The following ITPR1 variants were observed in gnomAD, a reference collection of about 807,000 sequenced individuals.
ITPR1 encodes inositol 1,4,5-trisphosphate receptor type 1.
In ITPR1, 96 loss-of-function variants were observed where a neutral mutation model predicts 318.4. That is an observed-to-expected ratio of 0.30 (90% CI 0.26 to 0.36). The LOEUF (loss-of-function observed/expected upper bound fraction) is 0.36, where lower values mean the gene tolerates loss of function less well. Among genes scored for constraint, ITPR1 ranks in the 10% least tolerant of loss-of-function variants. ITPR1 has a pLI of 1.00. For synonymous variants in ITPR1, 1,312 were observed against 1,289.9 expected, an observed-to-expected ratio of 1.02 and a Z score of -0.37; for missense variants, 2,440 against 3,460.2, an observed-to-expected ratio of 0.71 and a Z score of 7.40.
At chr3:4,729,783 T>C (rs192856341) in intron 42 of ITPR1, among the ~76,000 whole-genome samples, 1 of 152,326 alleles carries the variant, frequency 6.6e-6, no homozygotes, top group East Asian at 1.9e-4. Flanking sequence ...GGTAATAATG[T>C]GTGGGAATTT....
At chr3:4,534,252 C>T (rs890211635) in intron 4 of ITPR1, among the ~76,000 whole-genome samples, 2 of 152,132 alleles carry the variant, frequency 1.3e-5, no homozygotes, top group Non-Finnish European at 2.9e-5. Flanking sequence ...ATTTTTCAAC[C>T]CGTACCACCC....
At chr3:4,629,595 G>A (rs767248022) in intron 5 of ITPR1, among the ~76,000 whole-genome samples, 1 of 152,166 alleles carries the variant, frequency 6.6e-6, no homozygotes, top group African/African-American at 2.4e-5. Context: ...GTAGGTGCTC[G>A]GAAATAATTA....
chr3:4,608,972 G>T (rs2091889508), intron 4 of ITPR1, among the ~76,000 whole-genome samples: 1 of 129,542 alleles, frequency 7.7e-6, no homozygotes, highest in African/African-American at 2.9e-5. Flanking sequence ...CTGCACTCCA[G>T]CCTGGATAAC....
At chr3:4,768,387 GT>G in intron 45 of ITPR1, 123 bp from the exon 46 acceptor site, 1 of 1,168,964 alleles carries the variant, frequency 8.6e-7, no homozygotes. Flanking sequence ...TTCTTTGAGT[GT>G]TTTGCCAACT....
chr3:4,702,746 A>T, intron 35 of ITPR1, 84 bp from the exon 36 acceptor site: 1 of 1,450,554 alleles, frequency 6.9e-7, no homozygotes, highest in Non-Finnish European at 9.5e-7. Context: ...GTGGTTCAAG[A>T]CAATGTCTCT....
intron 4 of ITPR1, among the ~76,000 whole-genome samples, chr3:4,563,364 C>T (rs1233166720): frequency 6.6e-6 from 1 of 152,106 alleles, no homozygotes; most frequent in Non-Finnish European, 1.5e-5. Flanking sequence ...AAAAAATTAG[C>T]TGGGCATGGT....
At chr3:4,753,207 G>A (rs555785897) in intron 44 of ITPR1, among the ~76,000 whole-genome samples, 167 of 152,242 alleles carry the variant, frequency 1.1e-3, no homozygotes, top group African/African-American at 3.7e-3. Context: ...GCAGAGCTGC[G>A]GAAAGTATCT....
intron 60 of ITPR1, among the ~76,000 whole-genome samples, chr3:4,828,399 G>A (rs2050219017): frequency 6.6e-6 from 1 of 152,238 alleles, no homozygotes; most frequent in Non-Finnish European, 1.5e-5. Flanking sequence ...CAGCTTGGAT[G>A]CTGATGTGGG....
intron 17 of ITPR1, among the ~76,000 whole-genome samples, chr3:4,667,117 A>T (rs998246216): frequency 1.1e-4 from 17 of 152,244 alleles, no homozygotes; most frequent in African/African-American, 4.1e-4. Context: ...TATACTGTGC[A>T]CTTAATAAAA....
At chr3:4,618,529 G>A (rs529042995) in intron 4 of ITPR1, among the ~76,000 whole-genome samples, 92 of 152,036 alleles carry the variant, frequency 6.1e-4, no homozygotes, top group Non-Finnish European at 9.3e-4. Context: ...AATATTGTTC[G>A]CTAATGAGCC....
At chr3:4,804,621 T>C (rs2048444483) in intron 54 of ITPR1, among the ~76,000 whole-genome samples, 1 of 152,134 alleles carries the variant, frequency 6.6e-6, no homozygotes, top group Admixed American at 6.5e-5. Flanking sequence ...TGGGGTGTGT[T>C]TGAGGTGCTG....
intron 4 of ITPR1, among the ~76,000 whole-genome samples, chr3:4,559,046 T>TG: frequency 6.6e-6 from 1 of 152,152 alleles, no homozygotes; most frequent in East Asian, 1.9e-4. Flanking sequence ...TATTTAGAGA[T>TG]GGGGTCTTGC....
At chr3:4,803,049 A>G (rs992496353) in intron 54 of ITPR1, among the ~76,000 whole-genome samples, 3 of 152,208 alleles carry the variant, frequency 2.0e-5, no homozygotes, top group Non-Finnish European at 4.4e-5. Flanking sequence ...GAAGCATGGC[A>G]GCATCTGCTT....
chr3:4,717,305 G>T, intron 39 of ITPR1, 62 bp from the exon 40 acceptor site: 1 of 1,358,364 alleles, frequency 7.4e-7, no homozygotes, highest in Middle Eastern at 1.8e-4. Context: ...TATAAACTTG[G>T]CTGGCTTGTA....
intron 36 of ITPR1, among the ~76,000 whole-genome samples, chr3:4,704,563 AG>A (rs1393774101): frequency 6.6e-6 from 1 of 152,222 alleles, no homozygotes; most frequent in Non-Finnish European, 1.5e-5. Context: ...GTTGGAAAAA[AG>A]AAAAAAAAAA....
chr3:4,504,387 G>A (rs1431760044), intron 2 of ITPR1, among the ~76,000 whole-genome samples: 2 of 152,146 alleles, frequency 1.3e-5, no homozygotes, highest in Non-Finnish European at 2.9e-5. Flanking sequence ...GCTGTTTCTG[G>A]GAGGCCATGA....
rs186826089 is a variant in ITPR1, at chr3:4,719,486, G to A, written c.5136+2087G>A. ...AGCCCACAGCTGGAGTTCTGCAGAAGCTTAATGAGAATTCGTGCTGGCCCG... is the reference window on the plus strand; with the variant it reads ...AGCCCACAGCTGGAGTTCTGCAGAAACTTAATGAGAATTCGTGCTGGCCCG... On this transcript the variant is annotated intron_variant, in intron 40 of 61. Coordinates refer to ENST00000649015, the MANE Select transcript of ITPR1 (RefSeq NM_001378452.1). Among the ~76,000 whole-genome samples the A allele has an allele frequency of 1.6e-4, 24 of 152,362 alleles. No individual in the cohort carries two copies. The South Asian group carries it at 4.6e-3, about 29-fold the overall frequency.
intron 4 of ITPR1, among the ~76,000 whole-genome samples, chr3:4,603,805 C>G (rs562559745): frequency 1.3e-5 from 2 of 152,136 alleles, no homozygotes; most frequent in Non-Finnish European, 2.9e-5. Flanking sequence ...GATGAACGTA[C>G]GAGTGCGTGT....
rs1428624432 is a variant in ITPR1 at position 4,710,430 on chromosome 3, A to G, written c.4948A>G (p.Thr1650Ala). The G allele has an allele frequency of 6.4e-7, 1 of 1,554,816 alleles. No homozygotes were observed. The highest frequency in any genetic ancestry group is 8.7e-7 in the Non-Finnish European group (1 of 1,148,424). ...ACCCGAGCTGCTTTTCCCAGAGAAC[A>G]CAGACGCCAGAAGGAAATGTGAAAG... Reference protein sequence around the residue: ...HRPELLFPENTDARRKCESGG... With the variant: ...HRPELLFPENADARRKCESGG... Residue 1650 changes from threonine to alanine, a missense_variant, in exon 38 of 62, where the codon ACA becomes GCA. Transcript: ENST00000649015. This position sits in a 1 kb window ranked among gnomAD's most constrained non-coding sequence, Gnocchi z 4.2.
Sources: allele counts gnomAD v4.1 joint callset (sites outside exome capture counted in the v4.1 genomes callset), GRCh38; gene constraint gnomAD v4.1.1; non-coding constraint Gnocchi (gnomAD v3.1); transcripts MANE v1.5; gene names NCBI Gene and HGNC (gene_info 2026-07-23, HGNC 2026-07-21).